ZEB1: variants seen among roughly 807,000 people sequenced by gnomAD.
ZEB1 encodes the protein zinc finger E-box-binding homeobox 1.
ZEB1 carries 21 observed loss-of-function variants against 84.9 expected under a neutral mutation model. The observed-to-expected ratio is 0.25, with a 90% confidence interval of 0.18 to 0.36. The LOEUF is 0.36. ZEB1 is among the 10% of genes least tolerant of loss of function. The pLI, the probability that ZEB1 is intolerant of heterozygous loss-of-function variation, is 1.00. For synonymous variants in ZEB1, 420 were observed against 471.1 expected (o/e 0.89, Z 1.41); for missense variants, 1,104 against 1,330.2 (o/e 0.83, Z 2.65).
intron 1 of ZEB1, among the ~76,000 whole-genome samples, chr10:31,401,661 A>C (rs1436970772): frequency 6.6e-6 from 1 of 152,196 alleles, no homozygotes; most frequent in African/African-American, 2.4e-5. Context: ...GCACTGAAAC[A>C]AATTTGCATT....
At chr10:31,414,451 T>C (rs1430233493) in intron 1 of ZEB1, among the ~76,000 whole-genome samples, 2 of 152,218 alleles carry the variant, frequency 1.3e-5, no homozygotes, top group African/African-American at 4.8e-5. Flanking sequence ...AAAGGTTAAT[T>C]GGAGCATAAC....
chr10:31,475,769 C>G (rs2064068452), intron 2 of ZEB1, among the ~76,000 whole-genome samples: 2 of 152,032 alleles, frequency 1.3e-5, no homozygotes, highest in Admixed American at 1.3e-4. Context: ...CACCATCTTA[C>G]AAGAAATGCT....
At chr10:31,490,286 C>T (rs1158826323) in intron 2 of ZEB1, among the ~76,000 whole-genome samples, 2 of 151,468 alleles carry the variant, frequency 1.3e-5, no homozygotes, top group East Asian at 1.9e-4. Context: ...TTCTGCACTA[C>T]AGCTCTTTTC....
chr10:31,421,972 T>C (rs1285975646), intron 1 of ZEB1, among the ~76,000 whole-genome samples: 1 of 152,044 alleles, frequency 6.6e-6, no homozygotes, highest in Non-Finnish European at 1.5e-5. Flanking sequence ...TCTGATCCCC[T>C]TAGACACAAA....
intron 1 of ZEB1, among the ~76,000 whole-genome samples, chr10:31,415,250 T>G (rs1285112543): frequency 6.6e-6 from 1 of 152,134 alleles, no homozygotes; most frequent in Admixed American, 6.6e-5. Flanking sequence ...ACAGTGCTAG[T>G]AAAATATATA....
intron 1 of ZEB1, among the ~76,000 whole-genome samples, chr10:31,362,251 C>T (rs889517247): frequency 2.0e-5 from 3 of 149,868 alleles, no homozygotes; most frequent in Non-Finnish European, 4.4e-5. Flanking sequence ...GGAGGCCAGG[C>T]AGAGGCGGCG....
At chr10:31,498,792 G>A (rs913196223) in intron 3 of ZEB1, among the ~76,000 whole-genome samples, 1 of 151,704 alleles carries the variant, frequency 6.6e-6, no homozygotes, top group African/African-American at 2.4e-5. Flanking sequence ...AAGAAATGTT[G>A]TGTCATAATA....
At chr10:31,392,399 G>A (rs1409918026) in intron 1 of ZEB1, among the ~76,000 whole-genome samples, 9 of 152,070 alleles carry the variant, frequency 5.9e-5, no homozygotes, top group African/African-American at 1.7e-4. Context: ...GCATTATTGG[G>A]ACAGTTTTAG....
intron 1 of ZEB1, among the ~76,000 whole-genome samples, chr10:31,412,414 T>C (rs161249): frequency 0.28 from 42,422 of 152,006 alleles, 13,743 homozygotes; most frequent in African/African-American, 0.79. Flanking sequence ...CCCCACTCCC[T>C]CTACCCCATG....
At position 31,526,975 on chromosome 10, in the gene ZEB1, C is replaced by G. The variant is rs750598354; in HGVS notation, c.3089C>G (p.Thr1030Arg). 1 of 1,612,608 alleles carries G rather than the reference C, an allele frequency of 6.2e-7. No individual in the cohort carries two copies. Among genetic ancestry groups the G allele is most frequent in the Non-Finnish European group, 8.5e-7 (1 of 1,179,480 alleles). ...GACTCGGACGAGAGAGAGAGTTTGACAAGGGAAGAGGATGAAGACAGTGAA... is the reference window on the plus strand; with the variant it reads ...GACTCGGACGAGAGAGAGAGTTTGAGAAGGGAAGAGGATGAAGACAGTGAA... Reference protein sequence around the residue: ...QGDSDERESLTREEDEDSEKE... With the variant: ...QGDSDERESLRREEDEDSEKE... Residue 1030 changes from threonine to arginine, a missense_variant, in exon 9 of 9, where the codon ACA becomes AGA. Around this residue, in one of 7 missense-constraint regions of ZEB1, gnomAD observed 173 missense variants for 167.0 expected, o/e 1.04. Coordinates refer to ENST00000424869, the MANE Select transcript of ZEB1 (RefSeq NM_001174096.2).
chr10:31,321,693 A>C (rs749975903), intron 1 of ZEB1: 1 of 1,012,622 alleles, frequency 9.9e-7, no homozygotes, highest in Non-Finnish European at 1.5e-6. Context: ...CTGAACAGGA[A>C]AGAATGGATT....
intron 1 of ZEB1, among the ~76,000 whole-genome samples, chr10:31,379,052 A>C (rs553755559): frequency 6.6e-6 from 1 of 152,184 alleles, no homozygotes; most frequent in South Asian, 2.1e-4. Context: ...CCGTTATTTT[A>C]TGTTTGGCAC....
chr10:31,519,560 A>G lies in ZEB1; in HGVS notation c.794-566A>G, dbSNP rs544998975. 2.1e-3 allele frequency among the ~76,000 whole-genome samples: 319 copies of G among 152,346 alleles called. 1 individual carries two copies. Among genetic ancestry groups the G allele is most frequent in the Non-Finnish European group, 2.7e-3 (185 of 68,030 alleles). On this transcript the variant is annotated intron_variant, in intron 6 of 8. Coordinates refer to ENST00000424869, the MANE Select transcript of ZEB1 (RefSeq NM_001174096.2). ...TTTATCCTGGGAGTATATACATTTC[A>G]GTTTAATAAGCCAATGCTTATAGAA...
At chr10:31,455,591 G>C (rs1321025294) in intron 1 of ZEB1, among the ~76,000 whole-genome samples, 1 of 130,480 alleles carries the variant, frequency 7.7e-6, no homozygotes, top group South Asian at 2.2e-4. Context: ...ATCAAAAAGT[G>C]GGCAAGGATA....
Position 31,502,552 on chromosome 10 carries a change from G to A in ZEB1, c.484+43G>A, listed in dbSNP as rs772457479. On this transcript the variant is annotated intron_variant, in intron 4 of 8. Coordinates refer to ENST00000424869, the MANE Select transcript of ZEB1 (RefSeq NM_001174096.2). Reference sequence around the variant, plus strand: ...GTTGTGTTTCTTTCCCTCTTTAAAGGATTCTTGTTTCTACCATTCTACTAT... The same window carrying A: ...GTTGTGTTTCTTTCCCTCTTTAAAGAATTCTTGTTTCTACCATTCTACTAT... 8.7e-6 allele frequency: 14 copies of A among 1,612,478 alleles called. No individual in the cohort carries two copies. In the South Asian group the frequency reaches 8.8e-5, roughly 10 times the overall value.
chr10:31,321,664 C>T (rs903219682), intron 1 of ZEB1: 1 of 1,284,030 alleles, frequency 7.8e-7, no homozygotes. Context: ...GTCTGTGCAG[C>T]TGCTGTAAAC....
At chr10:31,427,591 C>T (rs560038315) in intron 1 of ZEB1, among the ~76,000 whole-genome samples, 37 of 152,272 alleles carry the variant, frequency 2.4e-4, no homozygotes, top group African/African-American at 7.0e-4. Context: ...GGTGGCTCAA[C>T]GCCTGTAATC....
intron 1 of ZEB1, among the ~76,000 whole-genome samples, chr10:31,375,278 C>T (rs1306933472): frequency 6.6e-6 from 1 of 151,706 alleles, no homozygotes; most frequent in African/African-American, 2.4e-5. Context: ...AGGCAGTCCC[C>T]CTTGTCAGTG....
chr10:31,420,930 C>G (rs1591080335), intron 1 of ZEB1, among the ~76,000 whole-genome samples: 1 of 152,284 alleles, frequency 6.6e-6, no homozygotes, highest in East Asian at 1.9e-4. Context: ...CATCAACAGT[C>G]CAGCCTGTTT....
Sources: allele counts gnomAD v4.1 joint callset (sites outside exome capture counted in the v4.1 genomes callset), GRCh38; gene constraint gnomAD v4.1.1; regional missense constraint gnomAD v4.1.1; transcripts MANE v1.5; gene names NCBI Gene and HGNC (gene_info 2026-07-23, HGNC 2026-07-21).